Variants in SRRM3 observed in about 807,000 individuals in gnomAD.
SRRM3 encodes serine/arginine repetitive matrix protein 3.
SRRM3 carries 27 observed loss-of-function variants against 66.2 expected under a neutral mutation model. That is an observed-to-expected ratio of 0.41 (90% CI 0.30 to 0.56). The LOEUF (loss-of-function observed/expected upper bound fraction) is 0.56. SRRM3 is among the 20% of genes least tolerant of loss of function. SRRM3 has a pLI of 0.32. For missense variants in SRRM3, 918 were observed against 991.9 expected (o/e 0.93, Z 1.00); for synonymous variants, 391 against 414.9 (o/e 0.94, Z 0.70).
At chr7:76,234,619 C>T (rs1380945720) in intron 1 of SRRM3, among the ~76,000 whole-genome samples, 2 of 152,028 alleles carry the variant, frequency 1.3e-5, no homozygotes, top group African/African-American at 2.4e-5. Flanking sequence ...CTGGTGTGTG[C>T]GTAAACAGTT....
intron 11 of SRRM3, among the ~76,000 whole-genome samples, chr7:76,275,875 G>A (rs949912989): frequency 1.1e-4 from 17 of 152,020 alleles, no homozygotes; most frequent in African/African-American, 4.1e-4. Context: ...AGGAGTTTGA[G>A]ACCAGCCTGA....
chr7:76,238,190 C>T (rs1801194465), intron 2 of SRRM3, among the ~76,000 whole-genome samples: 1 of 152,208 alleles, frequency 6.6e-6, no homozygotes, highest in South Asian at 2.1e-4. Flanking sequence ...GGTTTACTCA[C>T]CTGGAAAATA....
In SRRM3 at chr7:76,252,633, T is replaced by C. The variant is rs117711742; in HGVS notation, c.335+4344T>C. Among the ~76,000 whole-genome samples the C allele has an allele frequency of 5.1e-3, 783 of 152,156 alleles. 4 individuals carry two copies. Among genetic ancestry groups the C allele is most frequent in the Non-Finnish European group, 6.6e-3 (451 of 68,000 alleles). ...CGGGCCTGGCCTCATGTAATTTGAT[T>C]TGTAGAAATGTGATCTTACTATGTT... On this transcript the variant is annotated intron_variant, in intron 3 of 14. Transcript: ENST00000611745.
intron 1 of SRRM3, among the ~76,000 whole-genome samples, chr7:76,215,446 G>A (rs149937577): frequency 7.5e-6 from 1 of 133,196 alleles, no homozygotes; most frequent in African/African-American, 2.9e-5. Flanking sequence ...CTGTTGCCCA[G>A]AATGGAGTGC....
intron 1 of SRRM3, among the ~76,000 whole-genome samples, chr7:76,229,190 G>T (rs1015011261): frequency 6.6e-6 from 1 of 151,798 alleles, no homozygotes; most frequent in East Asian, 1.9e-4. Flanking sequence ...GAGCCACCGC[G>T]CCCAGCCGAG....
intron 1 of SRRM3, among the ~76,000 whole-genome samples, chr7:76,203,063 G>A (rs564273936): frequency 4.6e-5 from 7 of 152,328 alleles, no homozygotes; most frequent in African/African-American, 1.4e-4. Context: ...CTTTGACGGA[G>A]AGACGTGCAC....
intron 6 of SRRM3, 83 bp from the exon 7 acceptor site, chr7:76,261,269 C>T (rs1801855969): frequency 1.1e-6 from 1 of 906,476 alleles, no homozygotes; most frequent in South Asian, 1.6e-5. Flanking sequence ...CTTCAATGTC[C>T]CAAGCACCCA....
chr7:76,262,683 G>A (rs1188107477), intron 8 of SRRM3, among the ~76,000 whole-genome samples: 3 of 152,076 alleles, frequency 2.0e-5, no homozygotes, highest in Non-Finnish European at 4.4e-5. Flanking sequence ...GGGCATGGTG[G>A]CGGGTGCCTG....
intron 2 of SRRM3, among the ~76,000 whole-genome samples, chr7:76,238,153 G>A (rs531563270): frequency 6.6e-6 from 1 of 152,302 alleles, no homozygotes; most frequent in South Asian, 2.1e-4. Flanking sequence ...CAGGCTTCCA[G>A]CCCTATCTTG....
rs554125611 is a variant in SRRM3, at chr7:76,251,441, C to G, written c.335+3152C>G. 1.3e-4 allele frequency among the ~76,000 whole-genome samples: 19 copies of G among 151,048 alleles called. No homozygotes were observed. In the South Asian group the frequency reaches 4.0e-3, roughly 32 times the overall value. On this transcript the variant is annotated intron_variant, in intron 3 of 14. Transcript: ENST00000611745. ...CCAGGCTGGAGTGCAGTGGCGCAAT[C>G]TCGGCTCACTGCAAGCTCCGCCTCC...
chr7:76,233,595 C>T (rs1801064919), intron 1 of SRRM3, among the ~76,000 whole-genome samples: 1 of 152,118 alleles, frequency 6.6e-6, no homozygotes, highest in African/African-American at 2.4e-5. Flanking sequence ...GGCGGGAAGC[C>T]AGCAGGTGTG....
intron 1 of SRRM3, among the ~76,000 whole-genome samples, chr7:76,215,907 C>T (rs1247338399): frequency 3.3e-5 from 5 of 150,776 alleles, no homozygotes; most frequent in African/African-American, 1.2e-4. Flanking sequence ...ATGCCAGTCT[C>T]CTGCCTCAGC....
intron 3 of SRRM3, among the ~76,000 whole-genome samples, chr7:76,257,365 G>C (rs1230727257): frequency 6.7e-6 from 1 of 149,540 alleles, no homozygotes; most frequent in African/African-American, 2.5e-5. Flanking sequence ...GTCTGAGCCA[G>C]CTTGGATAAA....
At chr7:76,213,306 C>T (rs1049530945) in intron 1 of SRRM3, among the ~76,000 whole-genome samples, 4 of 152,098 alleles carry the variant, frequency 2.6e-5, no homozygotes, top group African/African-American at 9.7e-5. Context: ...CCACCGTGCC[C>T]GGCTTTACAC....
intron 2 of SRRM3, among the ~76,000 whole-genome samples, chr7:76,237,016 G>C (rs932281115): frequency 1.3e-5 from 2 of 152,120 alleles, no homozygotes; most frequent in African/African-American, 4.8e-5. Flanking sequence ...CGTGGCTCCC[G>C]GCACTTTGGG....
intron 1 of SRRM3, among the ~76,000 whole-genome samples, chr7:76,216,135 G>T (rs1158149544): frequency 6.7e-6 from 1 of 149,370 alleles, no homozygotes; most frequent in Non-Finnish European, 1.5e-5. Flanking sequence ...TGTCATTTTA[G>T]TAGAGATGGG....
At chr7:76,269,342 CATCCCGGGTCTCAAACCTGCATTCAG>C in intron 11 of SRRM3, 1 of 152,272 alleles carries the variant, frequency 6.6e-6, no homozygotes, top group South Asian at 2.1e-4. Flanking sequence ...GACTTCAGAG[CATCCCGGGTCTCAAACCTGCATTCAG>C]ATCCCTGCCT....
chr7:76,202,342 C>T (rs929779038), intron 1 of SRRM3, among the ~76,000 whole-genome samples: 2 of 152,168 alleles, frequency 1.3e-5, no homozygotes, highest in African/African-American at 4.8e-5. Flanking sequence ...CATGAGGGTG[C>T]CAGGGAGGCC....
At chr7:76,283,217 A>C in intron 14 of SRRM3, 116 bp downstream of exon 14, 25 of 620,084 alleles carry the variant, frequency 4.0e-5, no homozygotes, top group South Asian at 8.8e-5. Context: ...TGGCACGGGG[A>C]TGGGGGGGGG....
Sources: allele counts gnomAD v4.1 joint callset (sites outside exome capture counted in the v4.1 genomes callset), GRCh38; gene constraint gnomAD v4.1.1; transcripts MANE v1.5; gene names NCBI Gene and HGNC (gene_info 2026-07-23, HGNC 2026-07-21).